FSHR: variants seen among roughly 807,000 people sequenced by gnomAD.
The protein encoded by FSHR is follicle-stimulating hormone receptor.
Under a neutral mutation model 52.1 loss-of-function variants are expected in FSHR, and 46 were observed. That is an observed-to-expected ratio of 0.88 (90% CI 0.70 to 1.13). FSHR has a LOEUF of 1.13. Ranked by LOEUF, FSHR falls within the 50% of genes most tolerant of loss-of-function variation. The pLI is 0.00. For synonymous variants in FSHR, 399 were observed against 309.6 expected, an observed-to-expected ratio of 1.29 and a Z score of -3.03; for missense variants, 964 against 834.6, an observed-to-expected ratio of 1.16 and a Z score of -1.91.
intron 4 of FSHR, among the ~76,000 whole-genome samples, chr2:49,013,485 AATATATATATATATAAATAT>A (rs1183571616): frequency 2.1e-5 from 2 of 95,732 alleles, no homozygotes; most frequent in African/African-American, 6.8e-5. Context: ...TATATAAATA[AATATATATATATATAAATAT>A]ATATATATAT....
chr2:49,120,260 G>C (rs1199272737), intron 1 of FSHR, among the ~76,000 whole-genome samples: 2 of 152,118 alleles, frequency 1.3e-5, no homozygotes, highest in African/African-American at 4.8e-5. Flanking sequence ...AAGAGAGTGA[G>C]ACTCCATCTC....
intron 4 of FSHR, among the ~76,000 whole-genome samples, chr2:49,011,860 C>T (rs1295910120): frequency 2.0e-5 from 3 of 151,980 alleles, no homozygotes; most frequent in Non-Finnish European, 4.4e-5. Context: ...GCTTTTATAA[C>T]CAGAAAAGCT....
At chr2:49,055,531 C>CAAAAAAAAAAAAAAAAA (rs75665223) in intron 2 of FSHR, among the ~76,000 whole-genome samples, 11 of 51,142 alleles carry the variant, frequency 2.2e-4, no homozygotes, top group South Asian at 7.7e-4. Flanking sequence ...CCAGGAAGCT[C>CAAAAAAAAAAAAAAAAA]AAAAAAAAAA....
chr2:49,139,434 G>C (rs1417199086), intron 1 of FSHR, among the ~76,000 whole-genome samples: 3 of 152,050 alleles, frequency 2.0e-5, no homozygotes, highest in African/African-American at 7.2e-5. Context: ...TGAATCTCTA[G>C]AATGAGGGTA....
intron 1 of FSHR, among the ~76,000 whole-genome samples, chr2:49,132,860 A>G (rs1672333478): frequency 1.3e-5 from 2 of 151,892 alleles, no homozygotes; most frequent in South Asian, 4.2e-4. Context: ...TGAAACTGAT[A>G]AAAATTATAA....
At chr2:49,153,973 A>G (rs1219940570) in intron 1 of FSHR, among the ~76,000 whole-genome samples, 9 of 152,186 alleles carry the variant, frequency 5.9e-5, no homozygotes, top group Non-Finnish European at 1.3e-4. Flanking sequence ...TAAAGAGAGT[A>G]TGAAACCCAA....
chr2:48,991,922 G>A (rs1366613684), intron 4 of FSHR, among the ~76,000 whole-genome samples: 1 of 151,586 alleles, frequency 6.6e-6, no homozygotes, highest in Non-Finnish European at 1.5e-5. Flanking sequence ...TCCTTTTGAG[G>A]TTTATGACTC....
chr2:49,067,743 G>A (rs765130191), intron 2 of FSHR, among the ~76,000 whole-genome samples: 2 of 152,088 alleles, frequency 1.3e-5, no homozygotes, highest in African/African-American at 4.8e-5. Context: ...AATCAGTGCT[G>A]TAAACTTTCC....
Position 48,963,302 on chromosome 2 carries a change from C to G in FSHR, c.1519G>C (p.Gly507Arg), listed in dbSNP as rs1347922594. Residue 507 changes from glycine to arginine, a missense_variant, in exon 10 of 10, where the codon GGC (glycine) becomes CGC (arginine). Transcript: ENST00000406846. ...AFAAALFPIF[G>R]ISSYMKVSIC... is the part of the protein sequence containing the mutation. ...CTCACCTTCATGTAGCTGCTGATGCCAAAGATGGGAAAGAGGGCAGCTGCA... is the reference window on the plus strand; with the variant it reads ...CTCACCTTCATGTAGCTGCTGATGCGAAAGATGGGAAAGAGGGCAGCTGCA... 1.9e-6 allele frequency: 3 copies of G among 1,614,002 alleles called. No homozygotes were observed. In the South Asian group the frequency reaches 3.3e-5, roughly 18 times the overall value.
intron 1 of FSHR, among the ~76,000 whole-genome samples, chr2:49,089,762 T>TA (rs1340460191): frequency 1.3e-5 from 2 of 152,178 alleles, no homozygotes; most frequent in Non-Finnish European, 2.9e-5. Flanking sequence ...GCTATTGATC[T>TA]AAAAAATAAA....
intron 1 of FSHR, among the ~76,000 whole-genome samples, chr2:49,080,689 G>A (rs1225994239): frequency 6.6e-6 from 1 of 152,136 alleles, no homozygotes; most frequent in Admixed American, 6.5e-5. Flanking sequence ...TCTTTTTATT[G>A]TGTATTTTTG....
At chr2:49,083,606 C>T (rs1175962139) in intron 1 of FSHR, among the ~76,000 whole-genome samples, 32 of 147,894 alleles carry the variant, frequency 2.2e-4, no homozygotes, top group East Asian at 4.0e-4. Flanking sequence ...ACCCATCTCA[C>T]GTGCAGAGAC....
intron 1 of FSHR, among the ~76,000 whole-genome samples, chr2:49,084,963 G>T (rs1572722309): frequency 6.6e-6 from 1 of 152,200 alleles, no homozygotes; most frequent in Non-Finnish European, 1.5e-5. Context: ...CCAATCAATA[G>T]AAAAAGACGG....
chr2:49,060,226 CAT>C (rs1669235776), intron 2 of FSHR, among the ~76,000 whole-genome samples: 1 of 151,994 alleles, frequency 6.6e-6, no homozygotes, highest in Non-Finnish European at 1.5e-5. Flanking sequence ...GGTACCCTTA[CAT>C]ATTGTTCGTG....
chr2:49,024,359 G>C (rs1321233783), intron 2 of FSHR, among the ~76,000 whole-genome samples: 2 of 152,100 alleles, frequency 1.3e-5, no homozygotes, highest in Non-Finnish European at 2.9e-5. Flanking sequence ...TGGATCACCT[G>C]AGGTCAGGAG....
At chr2:49,107,714 C>T (rs961027531) in intron 1 of FSHR, among the ~76,000 whole-genome samples, 2 of 152,078 alleles carry the variant, frequency 1.3e-5, no homozygotes, top group African/African-American at 2.4e-5. Context: ...GATAACACTA[C>T]AAAGTAAGAA....
chr2:49,052,989 C>T (rs907026411), intron 2 of FSHR, among the ~76,000 whole-genome samples: 5 of 152,198 alleles, frequency 3.3e-5, no homozygotes, highest in Non-Finnish European at 5.9e-5. Flanking sequence ...TGCAACAATT[C>T]TCATTCAATA....
At chr2:49,012,022 C>G (rs1922477) in intron 4 of FSHR, among the ~76,000 whole-genome samples, 111,682 of 151,930 alleles carry the variant, frequency 0.74, 41,428 homozygotes, top group Admixed American at 0.8. Context: ...GAAGAAAGCA[C>G]ATGTCATGGC....
intron 1 of FSHR, among the ~76,000 whole-genome samples, chr2:49,131,135 A>T (rs1056856651): frequency 1.3e-5 from 2 of 152,170 alleles, no homozygotes; most frequent in Non-Finnish European, 2.9e-5. Flanking sequence ...AAAATACAAT[A>T]AATGGGGAGA....
Sources: gnomAD v4.1 joint callset for allele counts (sites outside exome capture counted in the v4.1 genomes callset) on GRCh38, gnomAD v4.1.1 for gene constraint, MANE v1.5 for transcripts, NCBI Gene and HGNC (gene_info 2026-07-23, HGNC 2026-07-21) for gene names.